LIMCH1: variants seen among roughly 807,000 people sequenced by gnomAD.
The protein encoded by LIMCH1 is LIM and calponin homology domains-containing protein 1.
A neutral mutation model predicts 176.5 loss-of-function variants in LIMCH1; 113 were observed. The observed-to-expected ratio is 0.64, with a 90% CI of 0.55 to 0.75. The LOEUF is 0.75. Among genes scored for constraint, LIMCH1 ranks in the 30% least tolerant of loss-of-function variants. LIMCH1 has a pLI of 0.00. For synonymous variants in LIMCH1, 619 were observed against 645.9 expected (o/e 0.96, Z 0.63); for missense variants, 1,674 against 1,814.9 (o/e 0.92, Z 1.41).
rs571244547 is a variant in LIMCH1, at chr4:41,513,604, A to T, written c.168-10805A>T. Among the ~76,000 whole-genome samples the T allele has an allele frequency of 4.6e-5, 7 of 152,330 alleles. No homozygotes were observed. The South Asian group carries it at 1.5e-3, about 32-fold the overall frequency. On this transcript the variant is annotated intron_variant, in intron 2 of 26. Transcript: ENST00000313860. ...TCTTTCACAAACCAACAGGAACTTCATGCAGTAATGACTGGCAGGAAGGAA... is the reference window on the plus strand; with the variant it reads ...TCTTTCACAAACCAACAGGAACTTCTTGCAGTAATGACTGGCAGGAAGGAA...
At chr4:41,610,121 T>A (rs1425658196) in intron 4 of LIMCH1, among the ~76,000 whole-genome samples, 2 of 152,218 alleles carry the variant, frequency 1.3e-5, no homozygotes, top group African/African-American at 4.8e-5. Flanking sequence ...CAGCCGTGAA[T>A]ATAACGGCCT....
intron 2 of LIMCH1, among the ~76,000 whole-genome samples, chr4:41,502,447 A>G (rs2073472881): frequency 1.3e-5 from 2 of 152,156 alleles, no homozygotes. Context: ...CGCTGGGTCA[A>G]ATGATATTTC....
chr4:41,522,824 G>A (rs1324847621), intron 2 of LIMCH1, among the ~76,000 whole-genome samples: 1 of 152,118 alleles, frequency 6.6e-6, no homozygotes, highest in African/African-American at 2.4e-5. Context: ...TGAATAAATT[G>A]CCTTCCAACT....
chr4:41,583,704 T>A (rs4355426), intron 1 of LIMCH1, among the ~76,000 whole-genome samples: 52,710 of 151,880 alleles, frequency 0.35, 14,606 homozygotes, highest in African/African-American at 0.77. Context: ...GGCAGCCCCA[T>A]CTTGGGTTAG....
At chr4:41,689,293 G>T (rs950684378) in intron 29 of LIMCH1, among the ~76,000 whole-genome samples, 1 of 152,016 alleles carries the variant, frequency 6.6e-6, no homozygotes, top group African/African-American at 2.4e-5. Context: ...TTAAACACAC[G>T]CACCAGATTC....
At chr4:41,471,264 G>C (rs974156031) in intron 1 of LIMCH1, among the ~76,000 whole-genome samples, 16 of 152,160 alleles carry the variant, frequency 1.1e-4, no homozygotes, top group African/African-American at 3.6e-4. Context: ...ACATTGTGGT[G>C]AAGTTCAACT....
At position 41,576,835 on chromosome 4, in the gene LIMCH1, A is replaced by C. The variant is rs1262693247; in HGVS notation, c.-240-22085A>C. 2.0e-5 allele frequency among the ~76,000 whole-genome samples: 3 copies of C among 152,314 alleles called. No individual in the cohort carries two copies. The South Asian group carries it at 6.2e-4, about 32-fold the overall frequency. On this transcript the variant is annotated intron_variant, in intron 1 of 31. Transcript: ENST00000503057. ...TAAAAAAAAAGCAAGATGTACCTAC[A>C]TTGGGTTTTAAAATATTAAAATATG...
At chr4:41,609,037 GC>G (rs1029865017) in intron 4 of LIMCH1, among the ~76,000 whole-genome samples, 1 of 152,074 alleles carries the variant, frequency 6.6e-6, no homozygotes, top group Admixed American at 6.5e-5. Flanking sequence ...ATGTACCCTG[GC>G]CCCATGTGGA....
chr4:41,535,865 T>C (rs1397758632), upstream of LIMCH1, among the ~76,000 whole-genome samples: 8 of 152,014 alleles, frequency 5.3e-5, no homozygotes, highest in South Asian at 2.1e-4. Flanking sequence ...GCTGTAAAGC[T>C]TTTTTTTCCC....
intron 1 of LIMCH1, among the ~76,000 whole-genome samples, chr4:41,480,042 GA>G (rs915419377): frequency 1.1e-4 from 16 of 149,994 alleles, no homozygotes; most frequent in African/African-American, 3.9e-4. Context: ...TATGAAGCTT[GA>G]AAAAAAAATA....
At chr4:41,579,499 G>T (rs1178647315) in intron 1 of LIMCH1, among the ~76,000 whole-genome samples, 4 of 152,346 alleles carry the variant, frequency 2.6e-5, no homozygotes, top group Middle Eastern at 3.4e-3. Context: ...CACTGTGTCA[G>T]ATGTCTCTTG....
chr4:41,557,544 C>CTGTGTGTGTGTGTGTGTGTG (rs1027942562), intron 1 of LIMCH1, among the ~76,000 whole-genome samples: 2 of 99,840 alleles, frequency 2.0e-5, no homozygotes, highest in African/African-American at 1.9e-4. Context: ...TCTTTATTGC[C>CTGTGTGTGTGTGTGTGTGTG]TCTGTGTGTG....
chr4:41,678,313 T>C (rs1227166596), intron 23 of LIMCH1, among the ~76,000 whole-genome samples: 10 of 151,468 alleles, frequency 6.6e-5, no homozygotes, highest in Non-Finnish European at 5.9e-5. Context: ...CAGTAGTAGG[T>C]GGTAGTGTGG....
At chr4:41,469,628 A>G (rs936141644) in intron 1 of LIMCH1, among the ~76,000 whole-genome samples, 1 of 150,834 alleles carries the variant, frequency 6.6e-6, no homozygotes, top group East Asian at 1.9e-4. Flanking sequence ...TTTAGTTTTA[A>G]CAACCTTTTT....
intron 13 of LIMCH1, among the ~76,000 whole-genome samples, chr4:41,635,073 A>G (rs1358648039): frequency 6.6e-6 from 1 of 152,148 alleles, no homozygotes; most frequent in Non-Finnish European, 1.5e-5. Flanking sequence ...TTTCATCTGC[A>G]TTTTGCAGTT....
intron 2 of LIMCH1, among the ~76,000 whole-genome samples, chr4:41,517,430 C>T (rs556968045): frequency 6.6e-6 from 1 of 152,252 alleles, no homozygotes; most frequent in African/African-American, 2.4e-5. Flanking sequence ...TAGAAATACA[C>T]GGGGTCAGGC....
intron 1 of LIMCH1, among the ~76,000 whole-genome samples, chr4:41,462,152 C>T (rs985673355): frequency 5.3e-5 from 8 of 152,288 alleles, no homozygotes; most frequent in African/African-American, 1.7e-4. Context: ...TGAGTGCATC[C>T]AGCCCCAGCA....
intron 3 of LIMCH1, among the ~76,000 whole-genome samples, chr4:41,530,819 ATTTTTTT>A (rs71650934): frequency 1.2e-5 from 1 of 84,734 alleles, no homozygotes; most frequent in African/African-American, 5.7e-5. Flanking sequence ...AAAAAAAAAA[ATTTTTTT>A]TTTTTTTTTT....
intron 1 of LIMCH1, among the ~76,000 whole-genome samples, chr4:41,465,876 C>G (rs1487296361): frequency 6.6e-6 from 1 of 152,038 alleles, no homozygotes; most frequent in African/African-American, 2.4e-5. Context: ...ATTGCCTATG[C>G]CTGTTTTCAC....
Sources: allele counts gnomAD v4.1 joint callset (sites outside exome capture counted in the v4.1 genomes callset), GRCh38; gene constraint gnomAD v4.1.1; transcripts MANE v1.5; gene names NCBI Gene and HGNC (gene_info 2026-07-23, HGNC 2026-07-21).